The following EPHA6 variants were observed in gnomAD, a reference collection of about 807,000 sequenced individuals.
EPHA6 encodes the protein EPH receptor A6, also known as ephrin type-A receptor 6.
Under a neutral mutation model 112.0 loss-of-function variants are expected in EPHA6, and 50 were observed. The ratio of observed to expected loss-of-function variants is 0.45; its 90% CI spans 0.36 to 0.56. EPHA6 has a LOEUF of 0.56. Among genes scored for constraint, EPHA6 ranks in the 20% least tolerant of loss-of-function variants. EPHA6 has a pLI of 0.00. For synonymous variants in EPHA6, 529 were observed against 490.7 expected, an observed-to-expected ratio of 1.08 and a Z score of -1.03; for missense variants, 1,280 against 1,417.4, an observed-to-expected ratio of 0.90 and a Z score of 1.56.
intron 3 of EPHA6, among the ~76,000 whole-genome samples, chr3:97,138,488 G>A (rs1428926861): frequency 6.6e-6 from 1 of 152,178 alleles, no homozygotes; most frequent in African/African-American, 2.4e-5. Context: ...TGCCTGCCTG[G>A]TCATTCCTGC....
intron 10 of EPHA6, among the ~76,000 whole-genome samples, chr3:97,491,109 C>G (rs575260003): frequency 3.9e-5 from 6 of 152,250 alleles, no homozygotes; most frequent in Non-Finnish European, 7.4e-5. Context: ...ATGGAAGTGA[C>G]AGCAAATTAC....
At chr3:97,360,380 T>A (rs769648179) in intron 5 of EPHA6, among the ~76,000 whole-genome samples, 1 of 152,248 alleles carries the variant, frequency 6.6e-6, no homozygotes, top group African/African-American at 2.4e-5. Context: ...TTCTTTCTAC[T>A]CCACTATCTT....
intron 10 of EPHA6, among the ~76,000 whole-genome samples, chr3:97,501,048 T>C (rs2092104723): frequency 6.6e-6 from 1 of 152,192 alleles, no homozygotes; most frequent in African/African-American, 2.4e-5. Context: ...AGTTCTGGAC[T>C]TTAGTTTCCT....
chr3:97,417,798 G>A (rs2088254179), intron 6 of EPHA6, among the ~76,000 whole-genome samples: 1 of 152,172 alleles, frequency 6.6e-6, no homozygotes, highest in East Asian at 1.9e-4. Context: ...AAGGAAAACT[G>A]AAGTAGTACC....
chr3:97,725,032 C>T (rs1457119479), intron 15 of EPHA6, among the ~76,000 whole-genome samples: 1 of 151,982 alleles, frequency 6.6e-6, no homozygotes, highest in East Asian at 1.9e-4. Flanking sequence ...AGAAATGTAA[C>T]CCAAAGTAAC....
intron 1 of EPHA6, among the ~76,000 whole-genome samples, chr3:96,848,465 A>G (rs917915032): frequency 1.3e-5 from 2 of 151,928 alleles, no homozygotes; most frequent in Non-Finnish European, 2.9e-5. Context: ...CGTCTATACT[A>G]AAAATACGAA....
chr3:97,313,752 G>A (rs575534550), intron 5 of EPHA6, among the ~76,000 whole-genome samples: 3 of 151,568 alleles, frequency 2.0e-5, no homozygotes, highest in East Asian at 1.9e-4. Context: ...GAGTTGATAC[G>A]TTCCTTATAA....
chr3:97,634,827 T>G (rs1457209548), intron 13 of EPHA6, among the ~76,000 whole-genome samples: 1 of 152,126 alleles, frequency 6.6e-6, no homozygotes, highest in Non-Finnish European at 1.5e-5. Flanking sequence ...CCAATCCTGC[T>G]TTCTTCTCTT....
At chr3:97,628,444 G>T (rs1303778103) in intron 13 of EPHA6, among the ~76,000 whole-genome samples, 1 of 151,750 alleles carries the variant, frequency 6.6e-6, no homozygotes, top group African/African-American at 2.4e-5. Context: ...TATTCATAAG[G>T]TCATCTATTA....
chr3:97,480,325 C>A (rs894203609), intron 9 of EPHA6, among the ~76,000 whole-genome samples: 2 of 151,906 alleles, frequency 1.3e-5, no homozygotes, highest in African/African-American at 4.8e-5. Flanking sequence ...GGAAGGTCAG[C>A]AGATAAACAT....
intron 5 of EPHA6, among the ~76,000 whole-genome samples, chr3:97,308,287 A>G (rs1415622824): frequency 1.3e-5 from 2 of 151,712 alleles, no homozygotes; most frequent in African/African-American, 4.8e-5. Flanking sequence ...TGGTGAAATT[A>G]TAATCCTGTA....
At chr3:97,605,566 G>A (rs1282419398) in intron 12 of EPHA6, among the ~76,000 whole-genome samples, 1 of 151,474 alleles carries the variant, frequency 6.6e-6, no homozygotes, top group African/African-American at 2.4e-5. Flanking sequence ...GTTAGGGTGT[G>A]TGGCTGTTTC....
At chr3:97,730,009 T>C (rs1220189191) in intron 15 of EPHA6, among the ~76,000 whole-genome samples, 2 of 152,124 alleles carry the variant, frequency 1.3e-5, no homozygotes, top group African/African-American at 4.8e-5. Context: ...AGTTTCTTTT[T>C]AAAAGACTGT....
At chr3:96,887,310 C>G (rs1417350284) in intron 2 of EPHA6, among the ~76,000 whole-genome samples, 2 of 152,138 alleles carry the variant, frequency 1.3e-5, no homozygotes, top group Non-Finnish European at 2.9e-5. Context: ...TCCCCCTTTT[C>G]TATGGATGTG....
Position 97,204,807 on chromosome 3 carries a change from A to G in EPHA6, c.1115-21457A>G, listed in dbSNP as rs138369913. On this transcript the variant is annotated intron_variant, in intron 3 of 17. Coordinates refer to ENST00000389672, the MANE Select transcript of EPHA6 (RefSeq NM_001080448.3). ...CATACAATACAGATTTGTTTACACA[A>G]TCCACAGTAGAGTAAGTTTCAAGTG... Among the ~76,000 whole-genome samples the G allele has an allele frequency of 3.1e-3, 479 of 152,276 alleles. 3 individuals are homozygous for G. Among genetic ancestry groups the G allele is most frequent in the African/African-American group, 0.011 (454 of 41,592 alleles).
chr3:97,553,476 G>T (rs1577751827), intron 11 of EPHA6, among the ~76,000 whole-genome samples: 1 of 152,108 alleles, frequency 6.6e-6, no homozygotes, highest in East Asian at 1.9e-4. Flanking sequence ...GGAGGGCTCA[G>T]GAAACTTACA....
intron 4 of EPHA6, among the ~76,000 whole-genome samples, chr3:97,227,635 C>T (rs750905505): frequency 6.6e-6 from 1 of 152,160 alleles, no homozygotes; most frequent in Non-Finnish European, 1.5e-5. Context: ...CAGGGATTTA[C>T]GCTGAGTGAG....
intron 3 of EPHA6, among the ~76,000 whole-genome samples, chr3:96,994,989 CT>C (rs2043367496): frequency 6.6e-6 from 1 of 151,832 alleles, no homozygotes; most frequent in Admixed American, 6.6e-5. Flanking sequence ...TGCTTTAAAA[CT>C]TTTTTTCTAG....
chr3:97,318,955 T>C (rs997492577), intron 5 of EPHA6, among the ~76,000 whole-genome samples: 2 of 151,898 alleles, frequency 1.3e-5, no homozygotes, highest in African/African-American at 4.8e-5. Flanking sequence ...GTAGAATTTG[T>C]TTCTCAAGAA....
Sources: gnomAD v4.1 joint callset for allele counts (sites outside exome capture counted in the v4.1 genomes callset) on GRCh38, gnomAD v4.1.1 for gene constraint, MANE v1.5 for transcripts, NCBI Gene and HGNC (gene_info 2026-07-23, HGNC 2026-07-21) for gene names.